Variants in PCSK5 observed in about 807,000 individuals in gnomAD.
PCSK5 encodes the protein proprotein convertase subtilisin/kexin type 5, also known as prohormone convertase 5.
A neutral mutation model predicts 233.2 loss-of-function variants in PCSK5; 129 were observed. The observed-to-expected ratio is 0.55, with a 90% CI of 0.48 to 0.64. The LOEUF is 0.64. Among genes scored for constraint, PCSK5 ranks in the 30% least tolerant of loss-of-function variants. The pLI, the probability that PCSK5 is intolerant of heterozygous loss-of-function variation, is 0.00. For missense variants in PCSK5, 2,076 were observed against 2,430.1 expected (o/e 0.85, Z 3.06); for synonymous variants, 825 against 879.2 (o/e 0.94, Z 1.09).
chr9:76,240,567 C>T, intron 23 of PCSK5, 49 bp from the exon 24 acceptor site: 1 of 1,246,356 alleles, frequency 8.0e-7, no homozygotes, highest in South Asian at 1.3e-5. Context: ...ATTAACGTGT[C>T]TCCACTCAAT....
At chr9:76,228,081 T>C (rs1186579389) in intron 21 of PCSK5, among the ~76,000 whole-genome samples, 2 of 151,904 alleles carry the variant, frequency 1.3e-5, no homozygotes, top group African/African-American at 4.8e-5. Flanking sequence ...GCAATTCTCC[T>C]GCCTGAGCCT....
intron 5 of PCSK5, among the ~76,000 whole-genome samples, chr9:76,043,568 T>C (rs1040683521): frequency 6.6e-6 from 1 of 152,150 alleles, no homozygotes; most frequent in African/African-American, 2.4e-5. Flanking sequence ...TGTCACGTGC[T>C]GGCCTTGCTT....
rs1335997562 is a variant in PCSK5 at position 76,296,773 on chromosome 9, A to G, written c.3431A>G (p.Asp1144Gly). 4.3e-6 allele frequency: 7 copies of G among 1,611,546 alleles called. No homozygotes were observed. The highest frequency in any genetic ancestry group is 1.3e-5 in the African/African-American group (1 of 74,844). ...GAAACCTGCACAGGCCCTGGTCATG[A>G]CGAGTGCAGCAGCTGCCAGGAAGGA... ...ACETCTGPGH[D>G]ECSSCQEGLQ... Residue 1144 changes from aspartate (D) to glycine (G), a missense_variant, in exon 27 of 38, where the codon GAC becomes GGC. By Grantham distance (94) the Asp-to-Gly change is moderately conservative. This residue lies in a region of PCSK5 where 1,510 missense variants were observed against 1,538.1 expected (regional missense o/e 0.98). Transcript: ENST00000674117.
chr9:76,354,219 G>T lies in PCSK5; in HGVS notation c.5254G>T (p.Asp1752Tyr). The stretch of plus-strand genomic sequence containing the variant: ...GTGCTGTGACTGCCAGGACACCACG[G>T]GTGAGGGAAGAGCAAGAGCAGCCTG... The part of the protein sequence containing the change: ...QECCDCQDTT[D>Y]ECILRTSKVR... The change falls in exon 37 of 38, where the codon GAC becomes TAC. Residue 1752 changes from aspartate (D) to tyrosine (Y), a missense_variant and splice_region_variant. By Grantham distance (160) the Asp-to-Tyr change is radical. Around this residue, in one of 6 missense-constraint regions of PCSK5, gnomAD observed 1,510 missense variants for 1,538.1 expected, o/e 0.98. Coordinates refer to ENST00000674117, the MANE Select transcript of PCSK5 (RefSeq NM_001372043.1). The T allele has an allele frequency of 1.3e-6, 2 of 1,570,526 alleles. No individual in the cohort carries two copies. Among genetic ancestry groups the T allele is most frequent in the Non-Finnish European group, 1.7e-6 (2 of 1,158,444 alleles).
At chr9:75,939,271 A>G (rs1387508045) in intron 2 of PCSK5, among the ~76,000 whole-genome samples, 1 of 152,236 alleles carries the variant, frequency 6.6e-6, no homozygotes, top group Admixed American at 6.5e-5. Flanking sequence ...TAGAAGCACT[A>G]GGGCAATAAT....
intron 7 of PCSK5, among the ~76,000 whole-genome samples, chr9:76,093,251 C>T (rs981101202): frequency 1.3e-5 from 2 of 152,014 alleles, no homozygotes; most frequent in Admixed American, 6.6e-5. Context: ...TGCACCACCA[C>T]CCGGCTATTT....
chr9:75,942,657 A>G (rs1378809847), intron 2 of PCSK5, among the ~76,000 whole-genome samples: 1 of 152,164 alleles, frequency 6.6e-6, no homozygotes, highest in African/African-American at 2.4e-5. Context: ...ACTGACACCT[A>G]TGACTGCCCT....
At chr9:76,220,526 C>CAAAA (rs57063521) in intron 20 of PCSK5, among the ~76,000 whole-genome samples, 41 of 100,418 alleles carry the variant, frequency 4.1e-4, no homozygotes, top group South Asian at 7.7e-4. Flanking sequence ...GACTCTGTCT[C>CAAAA]AAAAAAAAAA....
chr9:76,328,497 T>C (rs1455593266), intron 33 of PCSK5, among the ~76,000 whole-genome samples: 1 of 152,146 alleles, frequency 6.6e-6, no homozygotes, highest in Non-Finnish European at 1.5e-5. Flanking sequence ...CTCTCCCCCC[T>C]TCTCACTCAT....
At chr9:76,253,165 T>A (rs192270275) in intron 24 of PCSK5, among the ~76,000 whole-genome samples, 2 of 152,138 alleles carry the variant, frequency 1.3e-5, no homozygotes, top group African/African-American at 4.8e-5. Flanking sequence ...TAGCCAACCT[T>A]AGTGCATGAC....
At chr9:76,122,981 G>A (rs1451050899) in intron 9 of PCSK5, among the ~76,000 whole-genome samples, 3 of 150,218 alleles carry the variant, frequency 2.0e-5, no homozygotes, top group Non-Finnish European at 3.0e-5. Context: ...GGGATTACAG[G>A]CACCCGCCAC....
At chr9:76,111,947 A>G (rs776465397) in intron 9 of PCSK5, among the ~76,000 whole-genome samples, 7 of 152,232 alleles carry the variant, frequency 4.6e-5, no homozygotes, top group Non-Finnish European at 8.8e-5. Flanking sequence ...AAATAAAGTC[A>G]AAATAACTAA....
intron 1 of PCSK5, among the ~76,000 whole-genome samples, chr9:75,910,580 C>CT (rs113232033): frequency 0.031 from 4,502 of 146,278 alleles, 169 homozygotes; most frequent in African/African-American, 0.094. Context: ...ATACAGAGTT[C>CT]TTTTTTTTTT....
In PCSK5 at chr9:76,226,581, G is replaced by A. The variant is rs113765972; in HGVS notation, c.2627-922G>A. Among the ~76,000 whole-genome samples the A allele has an allele frequency of 2.7e-3, 411 of 152,292 alleles. 3 individuals carry two copies. Among genetic ancestry groups the A allele is most frequent in the African/African-American group, 9.3e-3 (388 of 41,560 alleles). On this transcript the variant is annotated intron_variant, in intron 20 of 37. Coordinates refer to ENST00000674117, the MANE Select transcript of PCSK5 (RefSeq NM_001372043.1). ...TGGCTTATGGGGGCTGTCAGAGTTGGAGGGGGTTGAGGTCCAGTGGAGGTT... is the reference window on the plus strand; with the variant it reads ...TGGCTTATGGGGGCTGTCAGAGTTGAAGGGGGTTGAGGTCCAGTGGAGGTT...
At chr9:76,081,492 TAAA>T (rs1830836612) in intron 7 of PCSK5, among the ~76,000 whole-genome samples, 1 of 151,808 alleles carries the variant, frequency 6.6e-6, no homozygotes, top group Non-Finnish European at 1.5e-5. Context: ...AACAAATAAA[TAAA>T]TAAATAAATA....
rs1830484218 is a variant in PCSK5, at chr9:76,071,643, C to A, written c.722-83C>A. On this transcript the variant is annotated intron_variant, in intron 6 of 37. Transcript: ENST00000674117. Reference sequence around the variant, plus strand: ...AGTGTTGATTAAAAATGTATTCTTCCCCCCGAGAATCCTGCAGCTCTGTTC... The same window carrying A: ...AGTGTTGATTAAAAATGTATTCTTCACCCCGAGAATCCTGCAGCTCTGTTC... 5.3e-6 allele frequency: 6 copies of A among 1,131,296 alleles called. No homozygotes were observed. The South Asian group carries it at 8.1e-5, about 15-fold the overall frequency. The allele number at this position is 1,131,296 out of a possible 1,614,324, so 70.1% of individuals were successfully genotyped here. A position where few individuals can be genotyped will look rare whatever the true frequency, so the allele number is the denominator to read the frequency against.
chr9:75,898,663 GA>G (rs35284504), intron 1 of PCSK5, among the ~76,000 whole-genome samples: 870 of 86,920 alleles, frequency 0.01, 5 homozygotes, highest in African/African-American at 0.04. Flanking sequence ...TGTGGGATAA[GA>G]AAAAAAAAAA....
At chr9:75,893,026 G>A (rs1445396037) in intron 1 of PCSK5, among the ~76,000 whole-genome samples, 1 of 152,100 alleles carries the variant, frequency 6.6e-6, no homozygotes, top group Non-Finnish European at 1.5e-5. Flanking sequence ...CACTGAGTCC[G>A]TTCAGGTCTT....
chr9:76,301,608 C>T (rs990822110), intron 27 of PCSK5, among the ~76,000 whole-genome samples: 5 of 152,152 alleles, frequency 3.3e-5, no homozygotes, highest in Non-Finnish European at 7.4e-5. Flanking sequence ...TTTGGGAGGC[C>T]AAGGCAGGCA....
Sources: allele counts gnomAD v4.1 joint callset (sites outside exome capture counted in the v4.1 genomes callset), GRCh38; gene constraint gnomAD v4.1.1; regional missense constraint gnomAD v4.1.1; transcripts MANE v1.5; gene names NCBI Gene and HGNC (gene_info 2026-07-23, HGNC 2026-07-21).